CMTM8: variants seen among roughly 807,000 people sequenced by gnomAD.
CMTM8 encodes the protein CKLF like MARVEL transmembrane domain containing 8.
Under a neutral mutation model 18.6 loss-of-function variants are expected in CMTM8, and 12 were observed. The ratio of observed to expected loss-of-function variants is 0.65; its 90% CI spans 0.41 to 1.05. The LOEUF is 1.05. Among genes scored for constraint, CMTM8 ranks in the 50% least tolerant of loss-of-function variants. The pLI is 0.00. For missense variants in CMTM8, 217 were observed against 227.2 expected (o/e 0.95, Z 0.29); for synonymous variants, 87 against 90.6 (o/e 0.96, Z 0.23).
intron 1 of CMTM8, among the ~76,000 whole-genome samples, chr3:32,261,169 CAA>C (rs57748918): frequency 4.5e-4 from 58 of 128,362 alleles, no homozygotes; most frequent in Non-Finnish European, 4.8e-4. Flanking sequence ...GTGTCCATCT[CAA>C]AAAAAAAAAA....
At chr3:32,327,310 G>A (rs1696181711) in intron 1 of CMTM8, among the ~76,000 whole-genome samples, 1 of 152,018 alleles carries the variant, frequency 6.6e-6, no homozygotes, top group Non-Finnish European at 1.5e-5. Flanking sequence ...ACATCTTTTA[G>A]AAAAAAATCC....
rs544356683 is a variant in CMTM8 at position 32,318,362 on chromosome 3, A to T, written c.148-39011A>T. On this transcript the variant is annotated intron_variant, in intron 1 of 3. Transcript: ENST00000307526. Reference sequence around the variant, plus strand: ...CTATTTGAAGAATTAAAATAATTAGAAGGAATTCAACCCACCCTTCCTCCT... The same window carrying T: ...CTATTTGAAGAATTAAAATAATTAGTAGGAATTCAACCCACCCTTCCTCCT... 2.0e-5 allele frequency among the ~76,000 whole-genome samples: 3 copies of T among 152,096 alleles called. No homozygotes were observed. In the East Asian group the frequency reaches 5.8e-4, roughly 30 times the overall value.
chr3:32,279,144 C>G (rs1048801527), intron 1 of CMTM8, among the ~76,000 whole-genome samples: 4 of 146,008 alleles, frequency 2.7e-5, no homozygotes, highest in Non-Finnish European at 4.5e-5. Flanking sequence ...ACCCACGGTT[C>G]TGTATTTTTC....
chr3:32,305,093 C>T (rs955268823), intron 1 of CMTM8, among the ~76,000 whole-genome samples: 1 of 152,140 alleles, frequency 6.6e-6, no homozygotes, highest in Non-Finnish European at 1.5e-5. Flanking sequence ...TAATCTCAAA[C>T]ATTTTTGTTT....
rs74882267 is a variant in CMTM8, at chr3:32,296,091, C to T, written c.147+56972C>T. Among the ~76,000 whole-genome samples, 4 of 152,278 alleles carry T rather than the reference C, an allele frequency of 2.6e-5. No homozygotes were observed. The East Asian group carries it at 7.7e-4, about 29-fold the overall frequency. On this transcript the variant is annotated intron_variant, in intron 1 of 3. Transcript: ENST00000307526. ...CAGTCTGTGTTGTGTGCCCCTCCAG[C>T]TCTGTGCTCAGTAACAATCAGGACT...
intron 1 of CMTM8, among the ~76,000 whole-genome samples, chr3:32,263,714 C>T (rs1191701883): frequency 5.9e-5 from 9 of 152,168 alleles, no homozygotes; most frequent in African/African-American, 7.2e-5. Flanking sequence ...AAAGATTAGA[C>T]GAATGGCTAA....
chr3:32,274,686 T>C (rs1023315970), intron 1 of CMTM8, among the ~76,000 whole-genome samples: 2 of 152,238 alleles, frequency 1.3e-5, no homozygotes, highest in African/African-American at 4.8e-5. Context: ...GTCCTAATAA[T>C]GTTCCTTATA....
At chr3:32,273,398 C>T (rs1299973610) in intron 1 of CMTM8, among the ~76,000 whole-genome samples, 5 of 152,072 alleles carry the variant, frequency 3.3e-5, no homozygotes, top group African/African-American at 2.4e-5. Context: ...AAATGTTCAT[C>T]GCAGCATTAT....
At chr3:32,263,947 A>T (rs1702295253) in intron 1 of CMTM8, among the ~76,000 whole-genome samples, 1 of 152,258 alleles carries the variant, frequency 6.6e-6, no homozygotes, top group Non-Finnish European at 1.5e-5. Flanking sequence ...ATATGGGACT[A>T]TGTGAAAAGA....
At chr3:32,317,994 G>T (rs570133864) in intron 1 of CMTM8, among the ~76,000 whole-genome samples, 6 of 146,584 alleles carry the variant, frequency 4.1e-5, no homozygotes, top group African/African-American at 1.5e-4. Flanking sequence ...GACAGAGGTT[G>T]CAGTGAGCCC....
At chr3:32,307,319 C>T (rs949729726) in intron 1 of CMTM8, among the ~76,000 whole-genome samples, 2 of 151,966 alleles carry the variant, frequency 1.3e-5, no homozygotes, top group East Asian at 3.9e-4. Context: ...CCAGCCTGAC[C>T]GACAAGAGCG....
At chr3:32,306,153 G>A (rs577221255) in intron 1 of CMTM8, among the ~76,000 whole-genome samples, 2 of 152,280 alleles carry the variant, frequency 1.3e-5, no homozygotes, top group South Asian at 4.1e-4. Context: ...ATCTCAGCTG[G>A]TGTCACTCAT....
chr3:32,288,842 A>G (rs1702731370), intron 1 of CMTM8, among the ~76,000 whole-genome samples: 1 of 152,182 alleles, frequency 6.6e-6, no homozygotes, highest in South Asian at 2.1e-4. Flanking sequence ...CCAGTGAGCT[A>G]TCTCAGTCGA....
intron 1 of CMTM8, among the ~76,000 whole-genome samples, chr3:32,261,279 C>T (rs997891083): frequency 6.6e-6 from 1 of 152,010 alleles, no homozygotes; most frequent in Admixed American, 6.6e-5. Flanking sequence ...TAAATATTTA[C>T]CGTGTGCCAG....
At chr3:32,356,892 A>G (rs1696825263) in intron 1 of CMTM8, among the ~76,000 whole-genome samples, 2 of 152,216 alleles carry the variant, frequency 1.3e-5, no homozygotes. Flanking sequence ...CCTGGGATGG[A>G]GAAGACCTGG....
Position 32,363,251 on chromosome 3 carries a change from C to T in CMTM8, c.322-4621C>T, listed in dbSNP as rs567581442. Among the ~76,000 whole-genome samples, 11 of 152,248 alleles carry T rather than the reference C, an allele frequency of 7.2e-5. No individual in the cohort carries two copies. The South Asian group carries it at 2.3e-3, about 32-fold the overall frequency. On this transcript the variant is annotated intron_variant, in intron 2 of 3. Transcript: ENST00000307526. ...ACCTGTTCTATAAGATCACCTGTGC[C>T]CCAGGTTCCTCCTTTCTTGTGACTC...
At chr3:32,262,491 A>G (rs1702271841) in intron 1 of CMTM8, among the ~76,000 whole-genome samples, 1 of 152,170 alleles carries the variant, frequency 6.6e-6, no homozygotes, top group South Asian at 2.1e-4. Flanking sequence ...ACTTCATTGG[A>G]TTCTACCTGG....
At chr3:32,307,684 T>C (rs920377387) in intron 1 of CMTM8, among the ~76,000 whole-genome samples, 1 of 152,118 alleles carries the variant, frequency 6.6e-6, no homozygotes, top group African/African-American at 2.4e-5. Context: ...GGTGGGTTTG[T>C]CTAAGGCAAT....
intron 1 of CMTM8, among the ~76,000 whole-genome samples, chr3:32,344,755 C>A (rs1388875790): frequency 1.3e-5 from 2 of 152,096 alleles, no homozygotes; most frequent in African/African-American, 4.8e-5. Context: ...CCTAGCTGGG[C>A]ATGGTTGCAT....
Sources: allele counts gnomAD v4.1 joint callset (sites outside exome capture counted in the v4.1 genomes callset), GRCh38; gene constraint gnomAD v4.1.1; transcripts MANE v1.5; gene names NCBI Gene and HGNC (gene_info 2026-07-23, HGNC 2026-07-21).